Variants in RYR2 observed in about 807,000 individuals in gnomAD.
The protein encoded by RYR2 is cardiac muscle ryanodine receptor-calcium release channel.
A neutral mutation model predicts 601.1 loss-of-function variants in RYR2; 227 were observed. That is an observed-to-expected ratio of 0.38 (90% confidence interval 0.34 to 0.42). The LOEUF is 0.42. Among genes scored for constraint, RYR2 ranks in the 10% least tolerant of loss-of-function variants. RYR2 has a pLI of 1.00. For synonymous variants in RYR2, 2,223 were observed against 2,175.1 expected (o/e 1.02, Z -0.61); for missense variants, 4,646 against 6,156.5 (o/e 0.75, Z 8.21).
Position 237,116,005 on chromosome 1 carries a change from A to G in RYR2, c.48+73436A>G, listed in dbSNP as rs574406762. Among the ~76,000 whole-genome samples, 38 of 152,352 alleles carry G rather than the reference A, an allele frequency of 2.5e-4. No individual in the cohort carries two copies. The South Asian group carries it at 6.8e-3, about 27-fold the overall frequency. Reference sequence around the variant, plus strand: ...CATAAGGAAAAAGGAGAAAACTATGAGAAGAATTAATAGGGTTGAAAGATG... The same window carrying G: ...CATAAGGAAAAAGGAGAAAACTATGGGAAGAATTAATAGGGTTGAAAGATG... On this transcript the variant is annotated intron_variant, in intron 1 of 104. Coordinates refer to ENST00000366574, the MANE Select transcript of RYR2 (RefSeq NM_001035.3).
At chr1:237,052,886 G>A (rs1412109604) in intron 1 of RYR2, among the ~76,000 whole-genome samples, 2 of 152,062 alleles carry the variant, frequency 1.3e-5, no homozygotes, top group Non-Finnish European at 2.9e-5. Flanking sequence ...GTCTCACTCT[G>A]TTGCCAGGCT....
rs200053476 is a variant in RYR2, at chr1:237,660,049, A to G, written c.8273A>G (p.Lys2758Arg). The G allele has an allele frequency of 6.3e-7, 1 of 1,577,430 alleles. No homozygotes were observed. The highest frequency in any genetic ancestry group is 8.6e-7 in the Non-Finnish European group (1 of 1,164,076). ...SDSSKVQPLM[K>R]PYKLLSEKEK... ...TCTTCTAAGGTTCAGCCATTAATGA[A>G]GCCATATAAGCTATTGTCTGAAAAG... is the stretch of plus-strand genomic sequence containing the variant. Residue 2758 changes from lysine to arginine, a missense_variant, in exon 55 of 105, where the codon AAG (lysine) becomes AGG (arginine). This residue lies in a region of RYR2 where 1,497 missense variants were observed against 1,842.6 expected (regional missense o/e 0.81). Transcript: ENST00000366574.
At chr1:237,717,447 C>G (rs1437738676) in intron 72 of RYR2, 79 bp downstream of exon 72, 7 of 1,170,924 alleles carry the variant, frequency 6.0e-6, no homozygotes, top group Non-Finnish European at 8.2e-6. Flanking sequence ...GTCTCACTGC[C>G]CTATGTCAAT....
intron 2 of RYR2, among the ~76,000 whole-genome samples, chr1:237,295,852 A>G (rs535045308): frequency 6.6e-6 from 1 of 151,972 alleles, no homozygotes; most frequent in Non-Finnish European, 1.5e-5. Flanking sequence ...CGTGCTAAGC[A>G]ATGTCCAAAG....
intron 1 of RYR2, among the ~76,000 whole-genome samples, chr1:237,216,968 C>T (rs1263311729): frequency 2.0e-5 from 3 of 152,168 alleles, no homozygotes; most frequent in African/African-American, 7.2e-5. Flanking sequence ...CACTCCAGCT[C>T]CTCCAGGGTA....
At chr1:237,702,192 G>C (rs1382584493) in intron 66 of RYR2, 133 bp downstream of exon 66, 1 of 585,924 alleles carries the variant, frequency 1.7e-6, no homozygotes, top group Admixed American at 2.9e-5. Flanking sequence ...AAATTCCTTG[G>C]AAGTAATTAG....
chr1:237,096,169 C>T (rs1667485667), intron 1 of RYR2, among the ~76,000 whole-genome samples: 1 of 152,236 alleles, frequency 6.6e-6, no homozygotes, highest in African/African-American at 2.4e-5. Context: ...TGTCGTCCTT[C>T]AACAGAAGAG....
intron 88 of RYR2, among the ~76,000 whole-genome samples, chr1:237,779,138 T>C (rs1694894203): frequency 6.6e-6 from 1 of 152,192 alleles, no homozygotes. Flanking sequence ...AAATAGGTTT[T>C]ATAATCTGTT....
intron 1 of RYR2, among the ~76,000 whole-genome samples, chr1:237,071,388 T>C: frequency 6.6e-6 from 1 of 152,214 alleles, no homozygotes; most frequent in East Asian, 1.9e-4. Context: ...CATGCCCGGC[T>C]AATTTTTCTA....
At position 237,700,209 on chromosome 1, in the gene RYR2, C is replaced by G. The variant is rs770609583; in HGVS notation, c.9129-20C>G. On this transcript the variant is annotated intron_variant, in intron 64 of 104. Transcript: ENST00000366574. The stretch of plus-strand genomic sequence containing the variant: ...TTGTTCCTGTTGGAAGATACGAGTC[C>G]TCCCTTATTTACTTTCTAGGACAGT... 16 of 1,362,410 alleles carry G rather than the reference C, an allele frequency of 1.2e-5. No individual in the cohort carries two copies. In the East Asian group the frequency reaches 3.7e-4, roughly 32 times the overall value. The allele number at this position is 1,362,410 out of a possible 1,614,324, so 84.4% of individuals were successfully genotyped here.
Position 237,184,877 on chromosome 1 carries a change from G to GTTTT in RYR2, c.49-85611_49-85608dup, listed in dbSNP as rs397974914. Among the ~76,000 whole-genome samples, 138 of 142,534 alleles carry GTTTT rather than the reference G, an allele frequency of 9.7e-4. 2 individuals carry two copies. Among genetic ancestry groups the GTTTT allele is most frequent in the African/African-American group, 3.0e-3 (115 of 38,948 alleles). The allele number at this position is 142,534 out of a possible 152,430, so 93.5% of individuals were successfully genotyped here. On this transcript the variant is annotated intron_variant, in intron 1 of 104. Coordinates refer to ENST00000366574, the MANE Select transcript of RYR2 (RefSeq NM_001035.3). Reference sequence around the variant, plus strand: ...GTTATCTTAGTTCTTTGTGAAGAGGGTTTTTTTTTTTTGGACAGGGTCTTG... The same window carrying GTTTT: ...GTTATCTTAGTTCTTTGTGAAGAGGGTTTTTTTTTTTTTTTTGGACAGGGTCTTG...
intron 79 of RYR2, among the ~76,000 whole-genome samples, chr1:237,734,533 T>C (rs1280622004): frequency 6.6e-6 from 1 of 152,182 alleles, no homozygotes; most frequent in Non-Finnish European, 1.5e-5. Context: ...TCCCATGGCA[T>C]AGTAGTGAGG....
intron 3 of RYR2, chr1:237,333,755 A>AT (rs968000012): frequency 2.2e-5 from 8 of 357,090 alleles, no homozygotes; most frequent in African/African-American, 1.3e-4. Flanking sequence ...CTAATGGGGA[A>AT]TTTTTTTATC....
intron 1 of RYR2, among the ~76,000 whole-genome samples, chr1:237,121,832 A>G (rs953378520): frequency 6.6e-6 from 1 of 152,190 alleles, no homozygotes; most frequent in Non-Finnish European, 1.5e-5. Context: ...TGTTGTAGAT[A>G]TGGGATATAA....
intron 1 of RYR2, among the ~76,000 whole-genome samples, chr1:237,166,427 A>T (rs1291221565): frequency 6.6e-6 from 1 of 152,098 alleles, no homozygotes; most frequent in Non-Finnish European, 1.5e-5. Flanking sequence ...GAAATTTGAG[A>T]TTTGCTATTC....
intron 1 of RYR2, among the ~76,000 whole-genome samples, chr1:237,093,248 G>A (rs1667161077): frequency 6.6e-6 from 1 of 152,180 alleles, no homozygotes; most frequent in Non-Finnish European, 1.5e-5. Context: ...GAACCTGATG[G>A]GAGGCTCCCT....
At chr1:237,803,361 T>G (rs1558450237) in intron 98 of RYR2, among the ~76,000 whole-genome samples, 1 of 151,748 alleles carries the variant, frequency 6.6e-6, no homozygotes, top group Non-Finnish European at 1.5e-5. Context: ...TGGAGTGCAG[T>G]GGCACACTCT....
intron 27 of RYR2, among the ~76,000 whole-genome samples, chr1:237,560,224 C>A (rs1174309947): frequency 1.3e-5 from 2 of 152,216 alleles, no homozygotes; most frequent in East Asian, 3.8e-4. Flanking sequence ...ATATTTCACT[C>A]CCCAGCTTTT....
intron 1 of RYR2, among the ~76,000 whole-genome samples, chr1:237,084,305 G>T (rs188281325): frequency 6.6e-6 from 1 of 152,228 alleles, no homozygotes; most frequent in Admixed American, 6.5e-5. Context: ...TCATTTTCCT[G>T]ACTTCTAATG....
Sources: allele counts gnomAD v4.1 joint callset (sites outside exome capture counted in the v4.1 genomes callset), GRCh38; gene constraint gnomAD v4.1.1; regional missense constraint gnomAD v4.1.1; transcripts MANE v1.5; gene names NCBI Gene and HGNC (gene_info 2026-07-23, HGNC 2026-07-21).